The following CSMD1 variants were observed in gnomAD, a reference collection of about 807,000 sequenced individuals.
CSMD1 encodes CUB and sushi domain-containing protein 1.
Under a neutral mutation model 417.5 loss-of-function variants are expected in CSMD1, and 213 were observed. That is an observed-to-expected ratio of 0.51 (90% confidence interval 0.46 to 0.57). CSMD1 has a LOEUF of 0.57. CSMD1 is among the 20% of genes least tolerant of loss of function. The pLI is 0.00. For synonymous variants in CSMD1, 2,862 were observed against 1,736.8 expected (o/e 1.65, Z -16.11); for missense variants, 6,923 against 4,529.7 (o/e 1.53, Z -15.17).
intron 25 of CSMD1, among the ~76,000 whole-genome samples, chr8:3,290,951 G>A (rs1023465062): frequency 1.3e-5 from 2 of 152,108 alleles, no homozygotes; most frequent in African/African-American, 4.8e-5. Context: ...GTATGATATT[G>A]GCTGTGGGTT....
intron 3 of CSMD1, among the ~76,000 whole-genome samples, chr8:4,317,787 T>A (rs1799020346): frequency 1.3e-5 from 2 of 152,178 alleles, no homozygotes; most frequent in Non-Finnish European, 2.9e-5. Flanking sequence ...TTCTTTTATA[T>A]AGTAAAGTGC....
chr8:4,132,284 G>A (rs867032055), intron 3 of CSMD1, among the ~76,000 whole-genome samples: 6 of 143,084 alleles, frequency 4.2e-5, no homozygotes, highest in East Asian at 2.1e-4. Flanking sequence ...CCAAGGTGAT[G>A]TTTATTCTCT....
chr8:3,257,575 G>A (rs562731010), intron 26 of CSMD1, among the ~76,000 whole-genome samples: 1 of 152,310 alleles, frequency 6.6e-6, no homozygotes, highest in East Asian at 1.9e-4. Flanking sequence ...GATTTCAGGT[G>A]GGCTGGTCAT....
At chr8:4,850,569 T>C (rs1221758989) in intron 1 of CSMD1, among the ~76,000 whole-genome samples, 2 of 152,050 alleles carry the variant, frequency 1.3e-5, no homozygotes. Context: ...TCCCAGGACT[T>C]CAGCGAAGTA....
At chr8:3,448,472 C>G (rs1007595590) in intron 12 of CSMD1, among the ~76,000 whole-genome samples, 4 of 75,920 alleles carry the variant, frequency 5.3e-5, no homozygotes, top group Admixed American at 1.6e-4. Flanking sequence ...AAGAGATGTT[C>G]TTGCTGTACA....
intron 1 of CSMD1, among the ~76,000 whole-genome samples, chr8:4,672,944 T>C (rs1805421665): frequency 1.3e-5 from 2 of 151,900 alleles, no homozygotes; most frequent in Non-Finnish European, 2.9e-5. Context: ...GCATACATGG[T>C]GACACGGCAC....
intron 7 of CSMD1, among the ~76,000 whole-genome samples, chr8:3,703,844 G>A (rs1022565720): frequency 2.4e-4 from 36 of 152,322 alleles, no homozygotes; most frequent in African/African-American, 8.4e-4. Context: ...GCCAAGGCAG[G>A]AAGATCACCT....
chr8:3,935,991 A>G (rs1810465941), intron 5 of CSMD1, among the ~76,000 whole-genome samples: 1 of 152,194 alleles, frequency 6.6e-6, no homozygotes, highest in Admixed American at 6.5e-5. Flanking sequence ...GTGCTATTTC[A>G]GTGAATGCAA....
At chr8:3,845,863 A>G (rs1803469497) in intron 5 of CSMD1, among the ~76,000 whole-genome samples, 2 of 151,604 alleles carry the variant, frequency 1.3e-5, no homozygotes, top group Non-Finnish European at 2.9e-5. Flanking sequence ...TTCTTTTGTT[A>G]AAAATGAAGA....
intron 25 of CSMD1, among the ~76,000 whole-genome samples, chr8:3,293,480 G>C (rs191278731): frequency 6.6e-6 from 1 of 151,992 alleles, no homozygotes; most frequent in Non-Finnish European, 1.5e-5. Flanking sequence ...ACGTAGATTC[G>C]GTCTTTTCAC....
chr8:3,714,561 C>CAAAAAAAAAAAAAAAAAAAAAAAAAAA lies in CSMD1; in HGVS notation c.932-6071_932-6070insTTTTTTTTTTTTTTTTTTTTTTTTTTT, dbSNP rs61494901. Among the ~76,000 whole-genome samples, 8 of 70,574 alleles carry CAAAAAAAAAAAAAAAAAAAAAAAAAAA rather than the reference C, an allele frequency of 1.1e-4. 4 individuals carry two copies. Among genetic ancestry groups the CAAAAAAAAAAAAAAAAAAAAAAAAAAA allele is most frequent in the African/African-American group, 4.4e-4 (8 of 18,150 alleles). The allele number at this position is 70,574 out of a possible 152,430, so 46.3% of individuals were successfully genotyped here. The stretch of plus-strand genomic sequence containing the variant: ...ACATGGCGAAACCCCATCTCTATCC[C>CAAAAAAAAAAAAAAAAAAAAAAAAAAA]AAAAAAAAAAAAAAAAAAAATTAGC... On this transcript the variant is annotated intron_variant, in intron 6 of 69. Transcript: ENST00000635120.
chr8:4,678,499 T>A (rs1323089274), intron 1 of CSMD1, among the ~76,000 whole-genome samples: 1 of 152,222 alleles, frequency 6.6e-6, no homozygotes, highest in Non-Finnish European at 1.5e-5. Context: ...CACATGATAG[T>A]TCTTGAGTTA....
intron 54 of CSMD1, among the ~76,000 whole-genome samples, chr8:2,993,506 T>C (rs960995425): frequency 6.6e-6 from 1 of 152,198 alleles, no homozygotes; most frequent in Non-Finnish European, 1.5e-5. Flanking sequence ...GTCTCCCAGA[T>C]GCCAACTGGA....
At chr8:3,657,939 G>A (rs1045047308) in intron 7 of CSMD1, among the ~76,000 whole-genome samples, 2 of 152,022 alleles carry the variant, frequency 1.3e-5, no homozygotes, top group Non-Finnish European at 2.9e-5. Context: ...GATGGGGAGG[G>A]ACCTTACATC....
chr8:4,715,104 C>G (rs1389114882), intron 1 of CSMD1, among the ~76,000 whole-genome samples: 1 of 152,154 alleles, frequency 6.6e-6, no homozygotes, highest in Non-Finnish European at 1.5e-5. Context: ...CCTCTCATCA[C>G]TTATAGTTCA....
chr8:3,390,706 C>T (rs1043946522), intron 17 of CSMD1, among the ~76,000 whole-genome samples: 3 of 151,422 alleles, frequency 2.0e-5, no homozygotes, highest in Non-Finnish European at 2.9e-5. Flanking sequence ...AATACATTTG[C>T]TACTTAATGA....
At chr8:4,687,509 C>T (rs959871427) in intron 1 of CSMD1, among the ~76,000 whole-genome samples, 5 of 152,104 alleles carry the variant, frequency 3.3e-5, no homozygotes, top group Admixed American at 6.6e-5. Context: ...CCAGAAGACA[C>T]GATCTCTGGG....
chr8:3,783,752 C>T (rs192483458), intron 5 of CSMD1, among the ~76,000 whole-genome samples: 29 of 152,298 alleles, frequency 1.9e-4, no homozygotes, highest in South Asian at 1.0e-3. Flanking sequence ...TCAGATCCCC[C>T]TTTGCATATA....
intron 1 of CSMD1, among the ~76,000 whole-genome samples, chr8:4,972,322 T>C (rs985869234): frequency 2.6e-5 from 4 of 152,086 alleles, no homozygotes; most frequent in African/African-American, 7.2e-5. Context: ...CTACTCCCGA[T>C]AATCCCCAAG....
Sources: gnomAD v4.1 joint callset for allele counts (sites outside exome capture counted in the v4.1 genomes callset) on GRCh38, gnomAD v4.1.1 for gene constraint, MANE v1.5 for transcripts, NCBI Gene and HGNC (gene_info 2026-07-23, HGNC 2026-07-21) for gene names.